The following TRIQK variants were observed in gnomAD, a reference collection of about 807,000 sequenced individuals.
TRIQK encodes triple QxxK/R motif containing, also known as triple QxxK/R motif-containing protein.
A neutral mutation model predicts 10.8 loss-of-function variants in TRIQK; 10 were observed. The ratio of observed to expected loss-of-function variants is 0.92; its 90% CI spans 0.57 to 1.57. TRIQK has a LOEUF of 1.57. Ranked by LOEUF, TRIQK falls within the 40% of genes most tolerant of loss-of-function variation. The pLI is 0.00. For missense variants in TRIQK, 107 were observed against 97.7 expected, an observed-to-expected ratio of 1.09 and a Z score of -0.40; for synonymous variants, 33 against 33.7, an observed-to-expected ratio of 0.98 and a Z score of 0.07.
chr8:92,942,255 A>G (rs1259620390), intron 2 of TRIQK, among the ~76,000 whole-genome samples: 1 of 152,206 alleles, frequency 6.6e-6, no homozygotes, highest in Non-Finnish European at 1.5e-5. Flanking sequence ...GCAAATCAAT[A>G]AATATTATAC....
intron 1 of TRIQK, among the ~76,000 whole-genome samples, chr8:93,009,400 A>G (rs1027234883): frequency 1.3e-5 from 2 of 152,208 alleles, no homozygotes; most frequent in African/African-American, 4.8e-5. Context: ...ACCTGAGGTC[A>G]GGAGTTTGAG....
At chr8:92,892,964 G>C (rs898445875) in intron 3 of TRIQK, among the ~76,000 whole-genome samples, 19 of 152,014 alleles carry the variant, frequency 1.2e-4, no homozygotes, top group Admixed American at 1.2e-3. Flanking sequence ...TTATTCTCAG[G>C]AGGAGTTAAT....
intron 1 of TRIQK, among the ~76,000 whole-genome samples, chr8:92,962,795 C>T (rs1265774766): frequency 2.0e-5 from 3 of 152,148 alleles, no homozygotes; most frequent in Non-Finnish European, 2.9e-5. Context: ...CTGCCCTACA[C>T]CATGAAAAGC....
chr8:92,926,413 A>G (rs947915380), intron 2 of TRIQK: 2 of 152,216 alleles, frequency 1.3e-5, no homozygotes, highest in African/African-American at 4.8e-5. Context: ...TCCATTATAA[A>G]ATAAATACAA....
At chr8:92,964,544 C>T (rs1812635985) in intron 1 of TRIQK, among the ~76,000 whole-genome samples, 1 of 145,112 alleles carries the variant, frequency 6.9e-6, no homozygotes. Context: ...TAACCAGAAC[C>T]AACACAGAAT....
At chr8:92,916,124 C>A (rs1376500174) in intron 3 of TRIQK, among the ~76,000 whole-genome samples, 1 of 152,064 alleles carries the variant, frequency 6.6e-6, no homozygotes, top group Non-Finnish European at 1.5e-5. Context: ...CTTTTTGCTT[C>A]TAACTAATTT....
chr8:92,995,940 A>C (rs1813150394), intron 1 of TRIQK, among the ~76,000 whole-genome samples: 1 of 152,062 alleles, frequency 6.6e-6, no homozygotes, highest in Non-Finnish European at 1.5e-5. Context: ...TCTAAGAATA[A>C]TAGAATAGAT....
intron 1 of TRIQK, among the ~76,000 whole-genome samples, chr8:92,977,492 G>C (rs930614013): frequency 6.6e-6 from 1 of 151,582 alleles, no homozygotes; most frequent in African/African-American, 2.4e-5. Flanking sequence ...CCTATATTTG[G>C]AAGTTTAAAT....
At chr8:92,924,478 C>A (rs973373204) in intron 2 of TRIQK, among the ~76,000 whole-genome samples, 3 of 151,912 alleles carry the variant, frequency 2.0e-5, no homozygotes, top group Admixed American at 1.3e-4. Flanking sequence ...CTATGTTCTG[C>A]AATTTGCTTT....
chr8:92,942,496 C>T (rs1811318710), intron 2 of TRIQK, among the ~76,000 whole-genome samples: 3 of 152,144 alleles, frequency 2.0e-5, no homozygotes, highest in African/African-American at 7.2e-5. Flanking sequence ...CAAGGATGCT[C>T]ACTTTTACCA....
chr8:92,907,734 G>C (rs1022880072), intron 3 of TRIQK, among the ~76,000 whole-genome samples: 2 of 151,806 alleles, frequency 1.3e-5, no homozygotes, highest in Non-Finnish European at 2.9e-5. Flanking sequence ...GATATTATCT[G>C]TGTTAAAAGT....
At chr8:92,980,699 G>A (rs1032901114) in intron 1 of TRIQK, among the ~76,000 whole-genome samples, 1 of 151,712 alleles carries the variant, frequency 6.6e-6, no homozygotes, top group Admixed American at 6.6e-5. Context: ...TAAAATTAAT[G>A]GCATATAATT....
At chr8:92,919,166 C>CT (rs1488787428) in intron 2 of TRIQK, among the ~76,000 whole-genome samples, 2 of 151,678 alleles carry the variant, frequency 1.3e-5, no homozygotes, top group Non-Finnish European at 3.0e-5. Flanking sequence ...GATTCTCTGG[C>CT]TTTTTTCTTT....
chr8:93,009,677 T>G (rs1036392282), intron 1 of TRIQK, among the ~76,000 whole-genome samples: 10 of 151,858 alleles, frequency 6.6e-5, no homozygotes, highest in South Asian at 2.1e-4. Flanking sequence ...ACACAGGCTA[T>G]TCAGAATGTA....
intron 1 of TRIQK, among the ~76,000 whole-genome samples, chr8:92,991,032 C>G (rs1434209355): frequency 6.6e-6 from 1 of 152,168 alleles, no homozygotes; most frequent in East Asian, 1.9e-4. Flanking sequence ...GCACAGCAGT[C>G]TGAAGTTGAC....
At chr8:93,016,268 A>G (rs1306229645) in intron 1 of TRIQK, among the ~76,000 whole-genome samples, 1 of 152,182 alleles carries the variant, frequency 6.6e-6, no homozygotes, top group Non-Finnish European at 1.5e-5. Flanking sequence ...TATGTTTCCC[A>G]CTTGGTAATT....
At chr8:92,922,012 T>C (rs1458416675) in intron 2 of TRIQK, among the ~76,000 whole-genome samples, 1 of 151,842 alleles carries the variant, frequency 6.6e-6, no homozygotes, top group Non-Finnish European at 1.5e-5. Flanking sequence ...TTTCTAATCA[T>C]AATAATCTTC....
chr8:92,993,285 C>G (rs1371696415), intron 1 of TRIQK, among the ~76,000 whole-genome samples: 1 of 152,084 alleles, frequency 6.6e-6, no homozygotes, highest in Non-Finnish European at 1.5e-5. Flanking sequence ...TCAGACTTAT[C>G]CCCATCATTC....
chr8:92,907,097 A>C (rs561134970), intron 3 of TRIQK, among the ~76,000 whole-genome samples: 3 of 152,328 alleles, frequency 2.0e-5, no homozygotes, highest in Non-Finnish European at 2.9e-5. Context: ...ATTCCAAAAA[A>C]TAAGGGAAAA....
Sources: allele counts gnomAD v4.1 joint callset (sites outside exome capture counted in the v4.1 genomes callset), GRCh38; gene constraint gnomAD v4.1.1; transcripts MANE v1.5; gene names NCBI Gene and HGNC (gene_info 2026-07-23, HGNC 2026-07-21).